Variants in DCC observed in about 807,000 individuals in gnomAD.
DCC encodes DCC netrin 1 receptor, also known as netrin receptor DCC.
In DCC, 58 loss-of-function variants were observed where a neutral mutation model predicts 172.5. The observed-to-expected ratio is 0.34, with a 90% CI of 0.27 to 0.42. The LOEUF (loss-of-function observed/expected upper bound fraction) is 0.42. Among genes scored for constraint, DCC ranks in the 10% least tolerant of loss-of-function variants. The pLI is 1.00. For missense variants in DCC, 1,740 were observed against 1,791.0 expected (o/e 0.97, Z 0.51); for synonymous variants, 709 against 644.5 (o/e 1.10, Z -1.52).
chr18:53,465,684 C>A (rs779281528), intron 24 of DCC, among the ~76,000 whole-genome samples: 1 of 152,034 alleles, frequency 6.6e-6, no homozygotes, highest in Non-Finnish European at 1.5e-5. Context: ...AGTTTCACAC[C>A]CTTTTTCCTC....
intron 7 of DCC, among the ~76,000 whole-genome samples, chr18:53,087,942 G>A (rs2042940303): frequency 6.6e-6 from 1 of 152,008 alleles, no homozygotes; most frequent in Admixed American, 6.5e-5. Flanking sequence ...TGAGGCCTCT[G>A]TTCTGTTCCA....
At chr18:53,449,892 A>G (rs72918215) in intron 22 of DCC, among the ~76,000 whole-genome samples, 4,756 of 152,036 alleles carry the variant, frequency 0.031, 91 homozygotes, top group Middle Eastern at 0.065. Flanking sequence ...TCTGTTAGCT[A>G]TCCCTCCCCA....
intron 2 of DCC, among the ~76,000 whole-genome samples, chr18:52,855,010 T>C (rs2039031071): frequency 6.6e-6 from 1 of 152,218 alleles, no homozygotes; most frequent in African/African-American, 2.4e-5. Flanking sequence ...ACTCTGTTGC[T>C]GACAGTGGAA....
chr18:53,481,418 A>T (rs765743966), intron 25 of DCC, among the ~76,000 whole-genome samples: 9 of 152,156 alleles, frequency 5.9e-5, no homozygotes, highest in African/African-American at 9.7e-5. Flanking sequence ...TCCAAAAGCG[A>T]CCCTCTATGG....
chr18:53,282,386 T>C (rs1263037833), intron 12 of DCC, among the ~76,000 whole-genome samples: 1 of 152,104 alleles, frequency 6.6e-6, no homozygotes. Context: ...CTTAACATCT[T>C]CCTTCCCCAA....
chr18:53,082,840 C>T (rs1036005911), intron 7 of DCC, among the ~76,000 whole-genome samples: 1 of 151,930 alleles, frequency 6.6e-6, no homozygotes, highest in African/African-American at 2.4e-5. Context: ...CTATGTTCTA[C>T]CTCATTAATA....
intron 2 of DCC, among the ~76,000 whole-genome samples, chr18:52,868,025 G>A (rs1277613090): frequency 1.0e-5 from 1 of 96,894 alleles, no homozygotes; most frequent in African/African-American, 2.9e-5. Context: ...GCTAATATGT[G>A]TATGTGTGTA....
intron 9 of DCC, among the ~76,000 whole-genome samples, chr18:53,194,894 C>A (rs1568358252): frequency 6.6e-6 from 1 of 152,328 alleles, no homozygotes; most frequent in South Asian, 2.1e-4. Context: ...TCTAACAATA[C>A]TGACAGTTAA....
intron 2 of DCC, among the ~76,000 whole-genome samples, chr18:52,839,613 T>G (rs1240943366): frequency 1.3e-5 from 2 of 152,200 alleles, no homozygotes; most frequent in Non-Finnish European, 2.9e-5. Context: ...TTTAAGGCAA[T>G]TCAGGTAAAG....
intron 1 of DCC, among the ~76,000 whole-genome samples, chr18:52,540,049 G>T (rs957457771): frequency 5.9e-5 from 9 of 152,148 alleles, no homozygotes; most frequent in Non-Finnish European, 1.2e-4. Flanking sequence ...TGATACAGTA[G>T]AATGATTCCT....
At chr18:52,374,037 G>T (rs1031809608) in intron 1 of DCC, among the ~76,000 whole-genome samples, 2 of 151,464 alleles carry the variant, frequency 1.3e-5, no homozygotes. Flanking sequence ...GACTACAGGC[G>T]CCCGCCACCA....
At chr18:53,291,024 C>T (rs987433857) in intron 12 of DCC, among the ~76,000 whole-genome samples, 2 of 151,882 alleles carry the variant, frequency 1.3e-5, no homozygotes, top group African/African-American at 2.4e-5. Flanking sequence ...AAAAATTAGC[C>T]AGGTGTGGTG....
chr18:52,371,818 G>T (rs917942479), intron 1 of DCC, among the ~76,000 whole-genome samples: 1 of 152,210 alleles, frequency 6.6e-6, no homozygotes, highest in Admixed American at 6.5e-5. Flanking sequence ...ACCTAAGGAA[G>T]AATGTGTTCT....
intron 2 of DCC, among the ~76,000 whole-genome samples, chr18:52,863,588 T>G (rs1169282818): frequency 6.6e-6 from 1 of 151,758 alleles, no homozygotes; most frequent in Non-Finnish European, 1.5e-5. Context: ...ATTCAATGAT[T>G]ATTCATCATT....
rs148818851 is a variant in DCC at position 52,887,306 on chromosome 18, G to GTT, written c.413-18727_413-18726dup. Reference sequence around the variant, plus strand: ...TAGCATTTAGAAACAATCATCAATGGTTTTTTTTTTTTAAACTATCATCAA... The same window carrying GTT: ...TAGCATTTAGAAACAATCATCAATGGTTTTTTTTTTTTTTAAACTATCATCAA... On this transcript the variant is annotated intron_variant, in intron 2 of 28. Coordinates refer to ENST00000442544, the MANE Select transcript of DCC (RefSeq NM_005215.4). 1.6e-3 allele frequency among the ~76,000 whole-genome samples: 239 copies of GTT among 146,844 alleles called. 1 individual carries two copies. Among genetic ancestry groups the GTT allele is most frequent in the African/African-American group, 5.8e-3 (234 of 40,192 alleles).
chr18:52,984,505 A>G (rs1189898666), intron 5 of DCC, among the ~76,000 whole-genome samples: 1 of 152,114 alleles, frequency 6.6e-6, no homozygotes, highest in Non-Finnish European at 1.5e-5. Context: ...TATCATGATA[A>G]TGGCTTTTAA....
intron 5 of DCC, among the ~76,000 whole-genome samples, chr18:53,052,861 A>C (rs971784762): frequency 5.3e-5 from 8 of 152,028 alleles, no homozygotes; most frequent in Non-Finnish European, 1.2e-4. Context: ...CAGAAAAGGA[A>C]ATGCCAGGCA....
chr18:52,695,422 C>T (rs140538624), intron 1 of DCC, among the ~76,000 whole-genome samples: 1 of 152,138 alleles, frequency 6.6e-6, no homozygotes, highest in Non-Finnish European at 1.5e-5. Flanking sequence ...GGTTGAAGAG[C>T]AGAATCTTGG....
chr18:52,732,442 G>A (rs77712252), intron 1 of DCC, among the ~76,000 whole-genome samples: 5,707 of 152,164 alleles, frequency 0.038, 143 homozygotes, highest in Middle Eastern at 0.065. Flanking sequence ...CTATTATTAC[G>A]TTATGTGACT....
Sources: gnomAD v4.1 joint callset for allele counts (sites outside exome capture counted in the v4.1 genomes callset) on GRCh38, gnomAD v4.1.1 for gene constraint, MANE v1.5 for transcripts, NCBI Gene and HGNC (gene_info 2026-07-23, HGNC 2026-07-21) for gene names.